Variants in NRXN3 observed in about 807,000 individuals in gnomAD.
The protein encoded by NRXN3 is neurexin III.
Under a neutral mutation model 137.6 loss-of-function variants are expected in NRXN3, and 32 were observed. The ratio of observed to expected loss-of-function variants is 0.23; its 90% confidence interval spans 0.18 to 0.31. NRXN3 has a LOEUF of 0.31. Ranked by LOEUF, NRXN3 falls within the 10% of genes least tolerant of loss-of-function variation. The pLI is 1.00. For synonymous variants in NRXN3, 798 were observed against 784.5 expected (o/e 1.02, Z -0.29); for missense variants, 1,574 against 2,062.5 (o/e 0.76, Z 4.59).
chr14:79,366,818 T>C (rs2093911633), intron 15 of NRXN3, among the ~76,000 whole-genome samples: 1 of 152,204 alleles, frequency 6.6e-6, no homozygotes, highest in Non-Finnish European at 1.5e-5. Flanking sequence ...GATAGCATTC[T>C]CGAACAGAGA....
intron 19 of NRXN3, among the ~76,000 whole-genome samples, chr14:79,703,587 C>T (rs1016730182): frequency 8.5e-5 from 13 of 152,064 alleles, no homozygotes; most frequent in African/African-American, 3.1e-4. Context: ...CCTCAGGAAA[C>T]TTACAATCAT....
chr14:79,252,742 G>A (rs574942617), intron 15 of NRXN3, among the ~76,000 whole-genome samples: 1 of 152,304 alleles, frequency 6.6e-6, no homozygotes, highest in Admixed American at 6.5e-5. Context: ...ACAGAGGAGT[G>A]AGGGCTGGGG....
At position 79,415,073 on chromosome 14, in the gene NRXN3, T is replaced by C. The variant is rs180806937; in HGVS notation, c.3263-52148T>C. Among the ~76,000 whole-genome samples the C allele has an allele frequency of 2.1e-4, 32 of 152,286 alleles. 1 individual carries two copies. The highest frequency in any genetic ancestry group is 1.3e-3 in the Admixed American group (20 of 15,272). ...TCACAGGATGAATAATATTTCTATA[T>C]ATATGTGTGTTTATACATGCATACA... On this transcript the variant is annotated intron_variant, in intron 15 of 20. Coordinates refer to ENST00000335750, the MANE Select transcript of NRXN3 (RefSeq NM_001330195.2).
At chr14:78,870,250 A>G (rs868648388) in intron 10 of NRXN3, among the ~76,000 whole-genome samples, 2 of 152,222 alleles carry the variant, frequency 1.3e-5, no homozygotes, top group East Asian at 1.9e-4. Flanking sequence ...AAAAGTCTTT[A>G]TCAATCTTGG....
intron 2 of NRXN3, among the ~76,000 whole-genome samples, chr14:78,267,295 C>A (rs1171156566): frequency 1.3e-5 from 2 of 152,130 alleles, no homozygotes; most frequent in African/African-American, 2.4e-5. Flanking sequence ...TAATGAATAG[C>A]AATATTGGCA....
chr14:79,754,979 T>A (rs1250320179), intron 19 of NRXN3, among the ~76,000 whole-genome samples: 1 of 152,068 alleles, frequency 6.6e-6, no homozygotes, highest in Non-Finnish European at 1.5e-5. Flanking sequence ...CCTGAGGCCT[T>A]CCCAGCCATG....
intron 15 of NRXN3, among the ~76,000 whole-genome samples, chr14:79,095,794 A>G (rs2050206190): frequency 6.6e-6 from 1 of 152,012 alleles, no homozygotes; most frequent in Non-Finnish European, 1.5e-5. Context: ...GTTGTCTTTG[A>G]TTTTATTACT....
intron 15 of NRXN3, among the ~76,000 whole-genome samples, chr14:79,234,222 T>C (rs1459109674): frequency 6.9e-6 from 1 of 145,618 alleles, no homozygotes; most frequent in East Asian, 2.1e-4. Flanking sequence ...GTTCCCAAAA[T>C]ACATTCCCTT....
chr14:78,295,503 A>G (rs2076222110), intron 3 of NRXN3, among the ~76,000 whole-genome samples: 1 of 152,224 alleles, frequency 6.6e-6, no homozygotes, highest in African/African-American at 2.4e-5. Context: ...AAAAGGGTCC[A>G]CTGCAGGGTT....
intron 7 of NRXN3, among the ~76,000 whole-genome samples, chr14:78,712,149 A>G (rs2098412131): frequency 6.6e-6 from 1 of 152,190 alleles, no homozygotes; most frequent in South Asian, 2.1e-4. Context: ...TGATTCTAGT[A>G]TTGTCTTTAC....
rs1053922494 is a variant in NRXN3 at position 78,233,992 on chromosome 14, G to T, written c.-703-8399G>T. ...GGGAGGGACCTAGTGGAAAGTAATT[G>T]AATCATGGGGGCAGATCTTTCCCAA... On this transcript the variant is annotated intron_variant, in intron 1 of 20. Transcript: ENST00000335750. 6.6e-5 allele frequency among the ~76,000 whole-genome samples: 10 copies of T among 152,314 alleles called. 1 individual carries two copies. The highest frequency in any genetic ancestry group is 2.4e-4 in the African/African-American group (10 of 41,562).
intron 10 of NRXN3, among the ~76,000 whole-genome samples, chr14:78,910,502 G>A (rs2099234040): frequency 6.6e-6 from 1 of 151,972 alleles, no homozygotes; most frequent in South Asian, 2.1e-4. Context: ...CTTTAAAGTT[G>A]CTGCTTTTCC....
chr14:79,762,467 CT>C (rs58650846), intron 19 of NRXN3, among the ~76,000 whole-genome samples: 68,717 of 148,110 alleles, frequency 0.46, 16,947 homozygotes, highest in Middle Eastern at 0.65. Flanking sequence ...CCTGGCTTCA[CT>C]TTTTTTTTTT....
intron 4 of NRXN3, among the ~76,000 whole-genome samples, chr14:78,537,193 C>G (rs1335962558): frequency 6.6e-6 from 1 of 152,228 alleles, no homozygotes; most frequent in East Asian, 1.9e-4. Context: ...CTGTCTTCCA[C>G]AATGGTTGAA....
At chr14:78,184,318 A>C (rs897913683) in intron 1 of NRXN3, among the ~76,000 whole-genome samples, 1 of 152,258 alleles carries the variant, frequency 6.6e-6, no homozygotes, top group Admixed American at 6.5e-5. Flanking sequence ...GATTTTTCAC[A>C]TAAAGATGCA....
At chr14:79,567,147 G>A (rs2097558258) in intron 16 of NRXN3, among the ~76,000 whole-genome samples, 1 of 151,754 alleles carries the variant, frequency 6.6e-6, no homozygotes, top group South Asian at 2.1e-4. Flanking sequence ...TTGTTCTCTG[G>A]CAATTTGTTT....
rs543782500 is a variant in NRXN3 at position 79,411,385 on chromosome 14, C to T, written c.3263-55836C>T. On this transcript the variant is annotated intron_variant, in intron 15 of 20. Transcript: ENST00000335750. ...ACAGTCCTTGCCACCCCCAACCCTGCAATCATCCTACATGTAGTGTTTCTA... is the reference window on the plus strand; with the variant it reads ...ACAGTCCTTGCCACCCCCAACCCTGTAATCATCCTACATGTAGTGTTTCTA... Among the ~76,000 whole-genome samples the T allele has an allele frequency of 7.9e-5, 12 of 152,252 alleles. No homozygotes were observed. In the East Asian group the frequency reaches 1.4e-3, roughly 17 times the overall value.
chr14:78,799,134 T>G (rs2098831330), intron 8 of NRXN3, among the ~76,000 whole-genome samples: 1 of 152,228 alleles, frequency 6.6e-6, no homozygotes, highest in South Asian at 2.1e-4. Context: ...GAAAGTGGGT[T>G]TTTCTTTTCT....
intron 1 of NRXN3, among the ~76,000 whole-genome samples, chr14:78,239,276 C>T (rs2066761113): frequency 6.6e-6 from 1 of 152,228 alleles, no homozygotes; most frequent in Non-Finnish European, 1.5e-5. Context: ...AATTGCCGTG[C>T]TTTACTGTCT....
Sources: gnomAD v4.1 joint callset for allele counts (sites outside exome capture counted in the v4.1 genomes callset) on GRCh38, gnomAD v4.1.1 for gene constraint, MANE v1.5 for transcripts, NCBI Gene and HGNC (gene_info 2026-07-23, HGNC 2026-07-21) for gene names.